CADPS2: variants seen among roughly 807,000 people sequenced by gnomAD.
The protein encoded by CADPS2 is calcium dependent secretion activator 2.
Under a neutral mutation model 172.5 loss-of-function variants are expected in CADPS2, and 93 were observed. The ratio of observed to expected loss-of-function variants is 0.54; its 90% CI spans 0.46 to 0.64. The LOEUF is 0.64. CADPS2 is among the 30% of genes least tolerant of loss of function. The pLI, the probability that CADPS2 is intolerant of heterozygous loss-of-function variation, is 0.00. For missense variants in CADPS2, 1,420 were observed against 1,565.9 expected (o/e 0.91, Z 1.57); for synonymous variants, 546 against 555.2 (o/e 0.98, Z 0.23).
chr7:122,421,462 A>G (rs777887631), intron 17 of CADPS2, among the ~76,000 whole-genome samples: 1 of 152,172 alleles, frequency 6.6e-6, no homozygotes, highest in Non-Finnish European at 1.5e-5. Flanking sequence ...CTAGGCCATG[A>G]TGATCAGCTA....
rs555786533 is a variant in CADPS2, at chr7:122,719,689, C to T, written c.453+17266G>A. On this transcript the variant is annotated intron_variant, in intron 2 of 29. Transcript: ENST00000449022. ...TTATTAGGAAAGTAGAGAATCAGGT[C>T]GGCAATTAAATTCTATGTGATATAA... Among the ~76,000 whole-genome samples the T allele has an allele frequency of 6.6e-5, 10 of 151,792 alleles. No homozygotes were observed. In the South Asian group the frequency reaches 1.5e-3, roughly 22 times the overall value.
At chr7:122,634,381 C>T (rs1415294993) in intron 3 of CADPS2, among the ~76,000 whole-genome samples, 1 of 152,100 alleles carries the variant, frequency 6.6e-6, no homozygotes, top group Non-Finnish European at 1.5e-5. Flanking sequence ...TTTTCACTTC[C>T]TGCCTGGTTC....
chr7:122,595,324 A>G (rs1242330154), intron 6 of CADPS2, among the ~76,000 whole-genome samples: 1 of 152,118 alleles, frequency 6.6e-6, no homozygotes, highest in African/African-American at 2.4e-5. Flanking sequence ...ATCAATAACT[A>G]GTACTTTCTT....
chr7:122,846,110 C>T (rs1811926236), intron 1 of CADPS2, among the ~76,000 whole-genome samples: 1 of 152,070 alleles, frequency 6.6e-6, no homozygotes, highest in Non-Finnish European at 1.5e-5. Flanking sequence ...TACTAAATGG[C>T]AAACATTGCA....
intron 20 of CADPS2, among the ~76,000 whole-genome samples, chr7:122,403,979 A>T (rs1298934561): frequency 6.6e-6 from 1 of 152,176 alleles, no homozygotes; most frequent in Non-Finnish European, 1.5e-5. Context: ...CTTGATGGTG[A>T]ACATTAATAA....
At chr7:122,849,943 C>T (rs1813067300) in intron 1 of CADPS2, 7 of 561,226 alleles carry the variant, frequency 1.2e-5, no homozygotes, top group Non-Finnish European at 2.2e-5. Flanking sequence ...CAGCTCCTGG[C>T]CCAGTACTAG....
At chr7:122,364,187 T>C (rs540817974) in intron 25 of CADPS2, among the ~76,000 whole-genome samples, 1 of 148,972 alleles carries the variant, frequency 6.7e-6, no homozygotes, top group South Asian at 2.1e-4. Flanking sequence ...AAGGCAGGAG[T>C]ATTGCTTGAG....
At chr7:122,478,909 C>T (rs1334128217) in intron 12 of CADPS2, among the ~76,000 whole-genome samples, 1 of 152,072 alleles carries the variant, frequency 6.6e-6, no homozygotes, top group African/African-American at 2.4e-5. Context: ...GCAGCATGTG[C>T]ACATGTACCC....
At chr7:122,616,183 T>C (rs181204757) in intron 5 of CADPS2, among the ~76,000 whole-genome samples, 90 of 152,236 alleles carry the variant, frequency 5.9e-4, no homozygotes, top group African/African-American at 1.9e-3. Flanking sequence ...ATTTAATTTA[T>C]AAAATAGATT....
intron 20 of CADPS2, among the ~76,000 whole-genome samples, chr7:122,402,457 A>C (rs558667338): frequency 2.0e-5 from 3 of 152,324 alleles, no homozygotes; most frequent in African/African-American, 7.2e-5. Flanking sequence ...TAGAAAATGA[A>C]GAGTTTTGTT....
At chr7:122,614,619 G>A (rs537158074) in intron 6 of CADPS2, among the ~76,000 whole-genome samples, 2 of 152,208 alleles carry the variant, frequency 1.3e-5, no homozygotes, top group South Asian at 2.1e-4. Context: ...GAATTAAAGC[G>A]AACACTTACT....
chr7:122,393,732 A>C, intron 20 of CADPS2, 150 bp from the exon 21 acceptor site: 1 of 754,328 alleles, frequency 1.3e-6, no homozygotes, highest in East Asian at 2.7e-5. Context: ...CCCATATTGA[A>C]TATCATATCA....
At chr7:122,749,143 G>T (rs750576746) in intron 1 of CADPS2, among the ~76,000 whole-genome samples, 7 of 152,108 alleles carry the variant, frequency 4.6e-5, no homozygotes, top group Non-Finnish European at 7.4e-5. Flanking sequence ...AATTCTCCCA[G>T]AATCAGCATC....
In CADPS2 at chr7:122,581,529, T is replaced by C. The variant is rs575356758; in HGVS notation, c.1224-239A>G. On this transcript the variant is annotated intron_variant, in intron 6 of 29. Coordinates refer to ENST00000449022, the MANE Select transcript of CADPS2 (RefSeq NM_017954.11). Reference sequence around the variant, plus strand: ...GCATGTTGGACTATAAAAAATTGCATGTTATGAGAATTTAGGTTAAGGTAA... The same window carrying C: ...GCATGTTGGACTATAAAAAATTGCACGTTATGAGAATTTAGGTTAAGGTAA... Among the ~76,000 whole-genome samples the C allele has an allele frequency of 2.6e-3, 390 of 152,244 alleles. 1 individual carries two copies. The highest frequency in any genetic ancestry group is 4.6e-3 in the Non-Finnish European group (311 of 68,004).
At chr7:122,669,385 A>AC (rs2081540668) in intron 2 of CADPS2, among the ~76,000 whole-genome samples, 1 of 149,978 alleles carries the variant, frequency 6.7e-6, no homozygotes, top group East Asian at 2.0e-4. Flanking sequence ...AGTAATTACT[A>AC]CCCCCACACA....
chr7:122,536,773 C>T, intron 8 of CADPS2, among the ~76,000 whole-genome samples: 1 of 152,184 alleles, frequency 6.6e-6, no homozygotes, highest in East Asian at 1.9e-4. Flanking sequence ...TCAACTCTCA[C>T]ATCAGAGGTC....
chr7:122,574,205 G>C (rs539328862), intron 7 of CADPS2, among the ~76,000 whole-genome samples: 4 of 151,956 alleles, frequency 2.6e-5, no homozygotes, highest in African/African-American at 7.2e-5. Context: ...AAGCAATCTG[G>C]GGGGCTGAGG....
intron 1 of CADPS2, among the ~76,000 whole-genome samples, chr7:122,878,997 A>C (rs1156856147): frequency 6.6e-6 from 1 of 152,112 alleles, no homozygotes; most frequent in Non-Finnish European, 1.5e-5. Flanking sequence ...GCTTTTTGGG[A>C]GGCTGAGGCG....
chr7:122,410,687 A>T (rs768143567), intron 19 of CADPS2, among the ~76,000 whole-genome samples: 2 of 151,968 alleles, frequency 1.3e-5, no homozygotes, highest in Non-Finnish European at 2.9e-5. Context: ...TTGCTGTGCA[A>T]ATGTAATAAT....
Sources: gnomAD v4.1 joint callset for allele counts (sites outside exome capture counted in the v4.1 genomes callset) on GRCh38, gnomAD v4.1.1 for gene constraint, MANE v1.5 for transcripts, NCBI Gene and HGNC (gene_info 2026-07-23, HGNC 2026-07-21) for gene names.